Variants in RNF150 observed in about 807,000 individuals in gnomAD.
The protein encoded by RNF150 is ring finger protein 150.
A neutral mutation model predicts 39.3 loss-of-function variants in RNF150; 24 were observed. That is an observed-to-expected ratio of 0.61 (90% confidence interval 0.44 to 0.86). RNF150 has a LOEUF of 0.86. Among genes scored for constraint, RNF150 ranks in the 40% least tolerant of loss-of-function variants. The probability of loss-of-function intolerance (pLI) is 0.00; values close to 1 mark genes in which losing one functional copy is unlikely to be tolerated. For missense variants in RNF150, 502 were observed against 587.8 expected, an observed-to-expected ratio of 0.85 and a Z score of 1.51; for synonymous variants, 255 against 227.3, an observed-to-expected ratio of 1.12 and a Z score of -1.10.
intron 1 of RNF150, among the ~76,000 whole-genome samples, chr4:141,016,604 T>A (rs1317863225): frequency 2.0e-5 from 3 of 152,248 alleles, no homozygotes; most frequent in Non-Finnish European, 4.4e-5. Flanking sequence ...CTTGAATTCC[T>A]TCCTGAGTGA....
chr4:141,094,519 ATTC>A (rs1302669610), intron 1 of RNF150, among the ~76,000 whole-genome samples: 1 of 152,268 alleles, frequency 6.6e-6, no homozygotes, highest in Admixed American at 6.5e-5. Context: ...TCTGTAACAT[ATTC>A]TTATTTTGTT....
intron 6 of RNF150, among the ~76,000 whole-genome samples, chr4:140,889,635 TA>T (rs1729691426): frequency 6.6e-6 from 1 of 152,174 alleles, no homozygotes; most frequent in Admixed American, 6.5e-5. Flanking sequence ...AATAATATAG[TA>T]AACCAAACTG....
At chr4:141,022,862 T>C (rs1157982194) in intron 1 of RNF150, among the ~76,000 whole-genome samples, 1 of 152,212 alleles carries the variant, frequency 6.6e-6, no homozygotes, top group Admixed American at 6.5e-5. Context: ...GTTGCTTTAC[T>C]CAAATAATTG....
chr4:141,075,091 C>T (rs3851431), intron 1 of RNF150, among the ~76,000 whole-genome samples: 121,040 of 152,200 alleles, frequency 0.8, 48,872 homozygotes, highest in Non-Finnish European at 0.87. Context: ...GAACTGAATA[C>T]AGACCAAAGT....
chr4:141,016,230 G>A (rs1735268954), intron 1 of RNF150, among the ~76,000 whole-genome samples: 1 of 152,130 alleles, frequency 6.6e-6, no homozygotes, highest in African/African-American at 2.4e-5. Flanking sequence ...TTTCTCAAAG[G>A]TGAAAATCAG....
chr4:140,996,965 A>C (rs1734398781), intron 1 of RNF150: 1 of 152,258 alleles, frequency 6.6e-6, no homozygotes, highest in African/African-American at 2.4e-5. Context: ...TACAGTGTGA[A>C]GTAAATTTGT....
intron 1 of RNF150, among the ~76,000 whole-genome samples, chr4:141,122,232 G>A (rs1457583465): frequency 6.6e-6 from 1 of 152,220 alleles, no homozygotes; most frequent in African/African-American, 2.4e-5. Context: ...ACACAGAGGA[G>A]TGTAAGGGAG....
chr4:141,000,094 AGAAGAAGAAGAAGAG>A (rs2111502736), intron 1 of RNF150, among the ~76,000 whole-genome samples: 1 of 134,916 alleles, frequency 7.4e-6, no homozygotes, highest in Non-Finnish European at 1.6e-5. Context: ...AAGGAGAAGA[AGAAGAAGAAGAAGAG>A]GAGGAAGAAG....
chr4:141,202,852 CTG>C (rs1728311340), intron 1 of RNF150, among the ~76,000 whole-genome samples: 1 of 151,680 alleles, frequency 6.6e-6, no homozygotes, highest in Non-Finnish European at 1.5e-5. Context: ...ATATTTTACT[CTG>C]TAACTGCATG....
chr4:140,888,205 A>T (rs961842146), intron 6 of RNF150, among the ~76,000 whole-genome samples: 1 of 152,098 alleles, frequency 6.6e-6, no homozygotes, highest in Non-Finnish European at 1.5e-5. Flanking sequence ...GATGGGGAGG[A>T]GGGGATGGCT....
At chr4:140,982,941 C>T (rs1408385526) in intron 1 of RNF150, among the ~76,000 whole-genome samples, 1 of 152,138 alleles carries the variant, frequency 6.6e-6, no homozygotes, top group Non-Finnish European at 1.5e-5. Flanking sequence ...TAGACTTGTT[C>T]TGGCATCGAA....
chr4:140,870,801 T>TA (rs1728904001), intron 6 of RNF150, among the ~76,000 whole-genome samples: 1 of 152,026 alleles, frequency 6.6e-6, no homozygotes, highest in African/African-American at 2.4e-5. Flanking sequence ...TGCAGTTGCC[T>TA]AAATTTTGTT....
intron 1 of RNF150, among the ~76,000 whole-genome samples, chr4:141,097,591 T>C (rs1738842188): frequency 6.6e-6 from 1 of 152,152 alleles, no homozygotes; most frequent in South Asian, 2.1e-4. Flanking sequence ...AGTCCCTAGC[T>C]CCATCTAATA....
chr4:140,931,973 G>A (rs1418636340), intron 4 of RNF150, among the ~76,000 whole-genome samples: 1 of 152,144 alleles, frequency 6.6e-6, no homozygotes, highest in Non-Finnish European at 1.5e-5. Context: ...CCCAGCTGGA[G>A]AGAGAAAAGG....
intron 1 of RNF150, among the ~76,000 whole-genome samples, chr4:141,025,895 G>A (rs535316274): frequency 1.8e-4 from 28 of 152,278 alleles, no homozygotes; most frequent in African/African-American, 6.3e-4. Flanking sequence ...AATTTCCAAT[G>A]TGATGATATT....
chr4:141,135,733 G>A (rs1430132531), upstream of RNF150, among the ~76,000 whole-genome samples: 4 of 152,212 alleles, frequency 2.6e-5, no homozygotes, highest in Non-Finnish European at 4.4e-5. Flanking sequence ...TGATGAGTAG[G>A]TGTTTGATGT....
chr4:141,055,472 A>G (rs1736932209), intron 1 of RNF150, among the ~76,000 whole-genome samples: 2 of 152,150 alleles, frequency 1.3e-5, no homozygotes, highest in Non-Finnish European at 2.9e-5. Flanking sequence ...GAAGACCTCT[A>G]AGAAATAATA....
intron 2 of RNF150, among the ~76,000 whole-genome samples, chr4:140,954,307 C>A (rs141730218): frequency 6.6e-6 from 1 of 152,078 alleles, no homozygotes; most frequent in Non-Finnish European, 1.5e-5. Flanking sequence ...CTCTGCTTCT[C>A]GGGTTCAACT....
At chr4:140,910,704 A>AGTGT (rs971137973) in intron 6 of RNF150, among the ~76,000 whole-genome samples, 42 of 35,306 alleles carry the variant, frequency 1.2e-3, no homozygotes, top group African/African-American at 2.8e-3. Flanking sequence ...TCGGGGCTCC[A>AGTGT]GTGTGTGTGT....
Sources: gnomAD v4.1 joint callset for allele counts (sites outside exome capture counted in the v4.1 genomes callset) on GRCh38, gnomAD v4.1.1 for gene constraint, MANE v1.5 for transcripts, NCBI Gene and HGNC (gene_info 2026-07-23, HGNC 2026-07-21) for gene names.